The following CCDC170 variants were observed in gnomAD, a reference collection of about 807,000 sequenced individuals.
CCDC170 encodes coiled-coil domain containing 170.
In CCDC170, 69 loss-of-function variants were observed where a neutral mutation model predicts 72.6. That is an observed-to-expected ratio of 0.95 (90% confidence interval 0.78 to 1.16). The LOEUF (loss-of-function observed/expected upper bound fraction) is 1.16, where lower values mean the gene tolerates loss of function less well. Among genes scored for constraint, CCDC170 ranks in the 50% most tolerant of loss-of-function variants. The probability of loss-of-function intolerance (pLI) is 0.00; values close to 1 mark genes in which losing one functional copy is unlikely to be tolerated. For synonymous variants in CCDC170, 300 were observed against 303.9 expected (o/e 0.99, Z 0.13); for missense variants, 852 against 832.5 (o/e 1.02, Z -0.29).
chr6:151,530,224 G>A (rs1782474973), intron 1 of CCDC170, among the ~76,000 whole-genome samples: 1 of 151,620 alleles, frequency 6.6e-6, no homozygotes, highest in South Asian at 2.1e-4. Flanking sequence ...GAATATTTTT[G>A]TGTTTAATTT....
chr6:151,560,125 T>A (rs1431502059), intron 5 of CCDC170, among the ~76,000 whole-genome samples: 2 of 152,188 alleles, frequency 1.3e-5, no homozygotes, highest in African/African-American at 4.8e-5. Flanking sequence ...TTAACACTAC[T>A]TTTGCTGTAT....
intron 7 of CCDC170, among the ~76,000 whole-genome samples, chr6:151,589,978 G>A (rs1386587339): frequency 6.6e-6 from 1 of 152,006 alleles, no homozygotes; most frequent in Non-Finnish European, 1.5e-5. Flanking sequence ...AGCAGCACTC[G>A]TCTGGCGTCC....
At chr6:151,529,292 A>G (rs1275619771) in intron 1 of CCDC170, among the ~76,000 whole-genome samples, 1 of 152,158 alleles carries the variant, frequency 6.6e-6, no homozygotes, top group African/African-American at 2.4e-5. Flanking sequence ...GTATAGAAAT[A>G]TTTTTATTTG....
intron 1 of CCDC170, among the ~76,000 whole-genome samples, chr6:151,512,548 C>T (rs191991434): frequency 6.6e-6 from 1 of 152,164 alleles, no homozygotes; most frequent in Admixed American, 6.5e-5. Context: ...CATTTACAAA[C>T]CCCAGGGTAA....
chr6:151,535,538 ATCTGTT>A (rs927993205), intron 1 of CCDC170, among the ~76,000 whole-genome samples: 47 of 152,344 alleles, frequency 3.1e-4, no homozygotes, highest in African/African-American at 1.1e-3. Flanking sequence ...ATATCACATG[ATCTGTT>A]TGATAAATAA....
At chr6:151,602,030 C>G (rs1776717165) in intron 9 of CCDC170, among the ~76,000 whole-genome samples, 1 of 152,146 alleles carries the variant, frequency 6.6e-6, no homozygotes, top group African/African-American at 2.4e-5. Flanking sequence ...CTGAACAAGG[C>G]TGCTATGAAC....
intron 1 of CCDC170, among the ~76,000 whole-genome samples, chr6:151,525,938 A>T (rs1782399169): frequency 6.6e-6 from 1 of 152,330 alleles, no homozygotes; most frequent in Admixed American, 6.5e-5. Flanking sequence ...TTTATTTATT[A>T]TACAGGAAAG....
rs1394327620 is a variant in CCDC170 at position 151,585,991 on chromosome 6, A to G, written c.1195A>G (p.Asn399Asp). Reference protein sequence around the residue: ...KALQRAQKAENMLETLQGQLT... With the variant: ...KALQRAQKAEDMLETLQGQLT... ...TCTCCAGAGGGCCCAGAAAGCAGAG[A>G]ATATGTTGGAGACTCTTCAGGGTCA... Residue 399 changes from asparagine (N) to aspartate (D), a missense_variant, in exon 7 of 11, where the codon AAT becomes GAT. Transcript: ENST00000239374. The G allele has an allele frequency of 4.0e-5, 64 of 1,614,048 alleles. No individual in the cohort carries two copies. The Admixed American group carries it at 1.1e-3, about 27-fold the overall frequency.
intron 5 of CCDC170, among the ~76,000 whole-genome samples, chr6:151,563,322 C>T (rs1234741440): frequency 6.6e-6 from 1 of 152,180 alleles, no homozygotes; most frequent in East Asian, 1.9e-4. Context: ...GATGACCGCT[C>T]TCTACATATC....
In CCDC170 at chr6:151,614,629, A is replaced by ATT. The variant is rs34242496; in HGVS notation, c.1711-798_1711-797dup. On this transcript the variant is annotated intron_variant, in intron 9 of 10. Coordinates refer to ENST00000239374, the MANE Select transcript of CCDC170 (RefSeq NM_025059.4). ...GCCACCATGGCTGGCTAACTTTTGT[A>ATT]TTTTTTTTTTTTTTTTTGTTAGTAG... Among the ~76,000 whole-genome samples, 177 of 135,120 alleles carry ATT rather than the reference A, an allele frequency of 1.3e-3. No individual in the cohort carries two copies. The Middle Eastern group carries it at 0.015, about 12-fold the overall frequency. 88.6% of individuals were successfully genotyped at this position (135,120 alleles called of 152,430 possible). A position where few individuals can be genotyped will look rare whatever the true frequency, so the allele number is the denominator to read the frequency against.
intron 9 of CCDC170, 94 bp downstream of exon 9, chr6:151,596,671 G>A (rs930357247): frequency 3.3e-6 from 5 of 1,495,510 alleles, no homozygotes; most frequent in Non-Finnish European, 4.5e-6. Flanking sequence ...CACGCCAGAA[G>A]AAGAAAGATG....
At chr6:151,617,668 T>C (rs1242189720) in intron 10 of CCDC170, among the ~76,000 whole-genome samples, 3 of 152,112 alleles carry the variant, frequency 2.0e-5, no homozygotes, top group African/African-American at 7.2e-5. Flanking sequence ...GGTCTGGGTC[T>C]CATTCATGGT....
At chr6:151,614,631 T>A (rs1407020452) in intron 9 of CCDC170, among the ~76,000 whole-genome samples, 1 of 87,714 alleles carries the variant, frequency 1.1e-5, no homozygotes, top group African/African-American at 4.8e-5. Context: ...ACTTTTGTAT[T>A]TTTTTTTTTT....
In CCDC170 at chr6:151,596,416, G is replaced by GAGA. The variant is rs1413529890; in HGVS notation, c.1552_1554dup (p.Lys518dup). 6.2e-7 allele frequency: 1 copy of GAGA among 1,614,194 alleles called. No individual in the cohort carries two copies. The highest frequency in any genetic ancestry group is 1.1e-5 in the South Asian group (1 of 91,082). On this transcript the variant is annotated inframe_insertion, in exon 9 of 11. Coordinates refer to ENST00000239374, the MANE Select transcript of CCDC170 (RefSeq NM_025059.4). Reference sequence around the variant, plus strand: ...GCAGAAAATAGCCCAGCTGGAGGAGGAGAAGCAGGCACGCACGGCCTTGGT... The same window carrying GAGA: ...GCAGAAAATAGCCCAGCTGGAGGAGGAGAAGAAGCAGGCACGCACGGCCTTGGT...
intron 1 of CCDC170, among the ~76,000 whole-genome samples, chr6:151,505,540 C>T (rs1342083596): frequency 2.6e-5 from 4 of 151,750 alleles, no homozygotes; most frequent in African/African-American, 7.3e-5. Context: ...AAAAATTAGC[C>T]GGGCGTGGTG....
intron 7 of CCDC170, among the ~76,000 whole-genome samples, chr6:151,588,835 G>T (rs542378811): frequency 6.6e-6 from 1 of 152,056 alleles, no homozygotes; most frequent in East Asian, 1.9e-4. Flanking sequence ...CAGCTACCTG[G>T]GAGGCTGAGA....
intron 6 of CCDC170, among the ~76,000 whole-genome samples, chr6:151,580,333 C>T (rs1321818817): frequency 6.6e-6 from 1 of 152,160 alleles, no homozygotes; most frequent in South Asian, 2.1e-4. Flanking sequence ...CGTGAAACCA[C>T]ATCTCCTGAT....
intron 3 of CCDC170, among the ~76,000 whole-genome samples, chr6:151,540,373 CTTTTTTTTTTTTTTT>C (rs779650559): frequency 0.047 from 1,780 of 38,114 alleles, 68 homozygotes; most frequent in African/African-American, 0.13. Context: ...TCTGCTGCTG[CTTTTTTTTTTTTTTT>C]TTTTTTTTTT....
chr6:151,514,558 G>A (rs1353336982), intron 1 of CCDC170, among the ~76,000 whole-genome samples: 1 of 152,118 alleles, frequency 6.6e-6, no homozygotes, highest in East Asian at 1.9e-4. Context: ...GTGGCATGCC[G>A]AGACACATTT....
Sources: allele counts gnomAD v4.1 joint callset (sites outside exome capture counted in the v4.1 genomes callset), GRCh38; gene constraint gnomAD v4.1.1; transcripts MANE v1.5; gene names NCBI Gene and HGNC (gene_info 2026-07-23, HGNC 2026-07-21).